GPR158: variants seen among roughly 807,000 people sequenced by gnomAD.
GPR158 encodes metabotropic glycine receptor.
GPR158 carries 30 observed loss-of-function variants against 78.2 expected under a neutral mutation model. The ratio of observed to expected loss-of-function variants is 0.38; its 90% CI spans 0.29 to 0.52. The LOEUF is 0.52. Among genes scored for constraint, GPR158 ranks in the 20% least tolerant of loss-of-function variants. The pLI is 0.83. For synonymous variants in GPR158, 581 were observed against 591.1 expected (o/e 0.98, Z 0.25); for missense variants, 1,463 against 1,523.5 (o/e 0.96, Z 0.66).
intron 2 of GPR158, among the ~76,000 whole-genome samples, chr10:25,369,279 A>G (rs1343812987): frequency 1.3e-5 from 2 of 150,208 alleles, no homozygotes; most frequent in Admixed American, 1.3e-4. Flanking sequence ...GTTTTTGCCC[A>G]TTCAGTATGA....
At chr10:25,564,536 TG>T (rs1275377258) in intron 6 of GPR158, among the ~76,000 whole-genome samples, 1 of 152,164 alleles carries the variant, frequency 6.6e-6, no homozygotes, top group Non-Finnish European at 1.5e-5. Flanking sequence ...AATTAGCAGT[TG>T]GGTAAAACAA....
At chr10:25,336,054 T>C (rs1003653782) in intron 2 of GPR158, among the ~76,000 whole-genome samples, 1 of 152,106 alleles carries the variant, frequency 6.6e-6, no homozygotes, top group African/African-American at 2.4e-5. Flanking sequence ...TCATTGTTAT[T>C]ATCAAATGTG....
intron 7 of GPR158, among the ~76,000 whole-genome samples, chr10:25,574,017 G>T (rs1418022304): frequency 1.3e-5 from 2 of 151,840 alleles, no homozygotes; most frequent in South Asian, 4.2e-4. Context: ...AAATTAAATT[G>T]TATAGATAAA....
intron 5 of GPR158, among the ~76,000 whole-genome samples, chr10:25,469,640 C>G (rs370126201): frequency 6.6e-6 from 1 of 151,756 alleles, no homozygotes; most frequent in Non-Finnish European, 1.5e-5. Flanking sequence ...AAAAATTAGC[C>G]AGGCGCAGTG....
At chr10:25,218,780 A>C (rs566306415) in intron 1 of GPR158, among the ~76,000 whole-genome samples, 2 of 151,978 alleles carry the variant, frequency 1.3e-5, no homozygotes, top group Non-Finnish European at 2.9e-5. Context: ...ATTTATCCTG[A>C]CCACCCTTTA....
At chr10:25,245,931 C>G (rs1191738325) in intron 2 of GPR158, among the ~76,000 whole-genome samples, 1 of 152,116 alleles carries the variant, frequency 6.6e-6, no homozygotes, top group Non-Finnish European at 1.5e-5. Flanking sequence ...TTGAAAGATA[C>G]TCCAAAACTA....
intron 5 of GPR158, among the ~76,000 whole-genome samples, chr10:25,490,890 G>T (rs558172824): frequency 6.6e-6 from 1 of 151,994 alleles, no homozygotes; most frequent in African/African-American, 2.4e-5. Flanking sequence ...AAAATAATAC[G>T]CAACCCAACA....
intron 2 of GPR158, among the ~76,000 whole-genome samples, chr10:25,231,980 C>T (rs753661623): frequency 4.0e-5 from 6 of 151,866 alleles, no homozygotes; most frequent in Non-Finnish European, 7.4e-5. Context: ...TAGGCTGGGG[C>T]GAGAGAATTG....
chr10:25,278,867 C>T (rs1854224759), intron 2 of GPR158, among the ~76,000 whole-genome samples: 1 of 151,402 alleles, frequency 6.6e-6, no homozygotes, highest in African/African-American at 2.4e-5. Context: ...GTTACCAGAC[C>T]TTCATTAAAA....
intron 2 of GPR158, among the ~76,000 whole-genome samples, chr10:25,296,383 A>G (rs916127054): frequency 5.3e-5 from 8 of 152,118 alleles, no homozygotes; most frequent in African/African-American, 1.4e-4. Context: ...TATCAACAGC[A>G]TCTGCTACAA....
chr10:25,218,204 C>T (rs1316212319), intron 1 of GPR158, among the ~76,000 whole-genome samples: 1 of 152,046 alleles, frequency 6.6e-6, no homozygotes, highest in Non-Finnish European at 1.5e-5. Context: ...CTCTGGGCGC[C>T]CAGGCTTAGG....
intron 5 of GPR158, among the ~76,000 whole-genome samples, chr10:25,515,449 A>G (rs567140997): frequency 6.7e-6 from 1 of 148,718 alleles, no homozygotes; most frequent in Admixed American, 6.7e-5. Flanking sequence ...TACATGTGCC[A>G]TGCTGGTGCG....
rs530979514 is a variant in GPR158 at position 25,212,753 on chromosome 10, T to G, written c.903-8299T>G. 2.1e-5 allele frequency among the ~76,000 whole-genome samples: 3 copies of G among 145,748 alleles called. No homozygotes were observed. In the East Asian group the frequency reaches 6.8e-4, roughly 33 times the overall value. On this transcript the variant is annotated intron_variant, in intron 1 of 10. Coordinates refer to ENST00000376351, the MANE Select transcript of GPR158 (RefSeq NM_020752.3). ...TTCAAGCGATTCTCTTGCCTCAGCC[T>G]CCCAAGTAGCTGGGAGTACAGGCGC...
At chr10:25,386,839 T>G (rs527542009) in intron 2 of GPR158, among the ~76,000 whole-genome samples, 80 of 152,308 alleles carry the variant, frequency 5.3e-4, no homozygotes, top group African/African-American at 1.9e-3. Flanking sequence ...CTGGATACAT[T>G]TATTAGTTCT....
intron 2 of GPR158, among the ~76,000 whole-genome samples, chr10:25,361,243 A>G (rs1184040572): frequency 6.6e-6 from 1 of 151,886 alleles, no homozygotes; most frequent in Non-Finnish European, 1.5e-5. Flanking sequence ...ATGTTCAACT[A>G]TGTTGTGGCA....
chr10:25,335,171 G>T (rs1275943908), intron 2 of GPR158, among the ~76,000 whole-genome samples: 1 of 152,030 alleles, frequency 6.6e-6, no homozygotes, highest in African/African-American at 2.4e-5. Flanking sequence ...TTTTGAGTTA[G>T]TACTTAACAG....
intron 5 of GPR158, among the ~76,000 whole-genome samples, chr10:25,541,302 C>T (rs1302785727): frequency 6.6e-6 from 1 of 152,036 alleles, no homozygotes; most frequent in East Asian, 1.9e-4. Context: ...AAATTCTTTA[C>T]ATATTCTGGA....
At chr10:25,395,324 C>A (rs1344937261) in intron 2 of GPR158, among the ~76,000 whole-genome samples, 1 of 151,944 alleles carries the variant, frequency 6.6e-6, no homozygotes, top group Non-Finnish European at 1.5e-5. Context: ...AGGTAAACAG[C>A]CCTGGAATAA....
At position 25,204,191 on chromosome 10, in the gene GPR158, A is replaced by G. The variant is rs560987425; in HGVS notation, c.903-16861A>G. 1.8e-4 allele frequency among the ~76,000 whole-genome samples: 27 copies of G among 152,322 alleles called. No homozygotes were observed. The East Asian group carries it at 4.2e-3, about 24-fold the overall frequency. On this transcript the variant is annotated intron_variant, in intron 1 of 10. Transcript: ENST00000376351. The stretch of plus-strand genomic sequence containing the variant: ...GGTTTTCTAAATATACAATCATGTC[A>G]TCTGCAAACAAAGACAATTTGACTT...
Sources: allele counts gnomAD v4.1 joint callset (sites outside exome capture counted in the v4.1 genomes callset), GRCh38; gene constraint gnomAD v4.1.1; transcripts MANE v1.5; gene names NCBI Gene and HGNC (gene_info 2026-07-23, HGNC 2026-07-21).